CLIC5: variants seen among roughly 807,000 people sequenced by gnomAD.
CLIC5 encodes chloride intracellular channel protein 5.
CLIC5 carries 20 observed loss-of-function variants against 24.7 expected under a neutral mutation model. The ratio of observed to expected loss-of-function variants is 0.81; its 90% CI spans 0.57 to 1.18. The LOEUF is 1.18. Ranked by LOEUF, CLIC5 falls within the 50% of genes most tolerant of loss-of-function variation. CLIC5 has a pLI of 0.00. For missense variants in CLIC5, 341 were observed against 326.1 expected, an observed-to-expected ratio of 1.05 and a Z score of -0.35; for synonymous variants, 159 against 135.6, an observed-to-expected ratio of 1.17 and a Z score of -1.20.
intron 1 of CLIC5, among the ~76,000 whole-genome samples, chr6:46,071,525 A>T (rs989081544): frequency 6.6e-6 from 1 of 152,200 alleles, no homozygotes. Context: ...AATCAAAATC[A>T]TAATGAAATA....
At chr6:46,093,000 T>TC in the CLIC5 span, among the ~76,000 whole-genome samples, 1 of 152,092 alleles carries the variant, frequency 6.6e-6, no homozygotes, top group Non-Finnish European at 1.5e-5. Context: ...CTCTTACCCC[T>TC]CCCCAATCCA....
At chr6:45,979,606 C>A (rs987282437) in intron 1 of CLIC5, among the ~76,000 whole-genome samples, 2 of 152,182 alleles carry the variant, frequency 1.3e-5, no homozygotes, top group South Asian at 4.1e-4. Context: ...AAATCATTCT[C>A]CTTGAATCAC....
the CLIC5 span, among the ~76,000 whole-genome samples, chr6:46,106,147 A>G: frequency 6.6e-6 from 1 of 152,204 alleles, no homozygotes; most frequent in African/African-American, 2.4e-5. Context: ...CTCTGTCACC[A>G]TGCTGGAGTG....
intron 1 of CLIC5, among the ~76,000 whole-genome samples, chr6:46,056,833 T>C (rs1768273870): frequency 6.6e-6 from 1 of 152,176 alleles, no homozygotes; most frequent in South Asian, 2.1e-4. Context: ...CTTTTAAACT[T>C]CATACTCATA....
chr6:46,095,073 C>A, the CLIC5 span, among the ~76,000 whole-genome samples: 25 of 152,302 alleles, frequency 1.6e-4, no homozygotes, highest in East Asian at 4.4e-3. Flanking sequence ...AATACCCAGG[C>A]CCCTTTAAGC....
chr6:45,936,367 G>A (rs1763935874), intron 4 of CLIC5, among the ~76,000 whole-genome samples: 1 of 151,846 alleles, frequency 6.6e-6, no homozygotes, highest in African/African-American at 2.4e-5. Flanking sequence ...ACCATACCCT[G>A]CTAATTTTTG....
At chr6:45,976,010 G>T (rs1288639040) in intron 1 of CLIC5, among the ~76,000 whole-genome samples, 14 of 152,118 alleles carry the variant, frequency 9.2e-5, no homozygotes, top group Non-Finnish European at 1.5e-4. Context: ...TTCCTGTGCT[G>T]ATGCTCCCCT....
At chr6:45,913,936 G>T (rs547236248) in intron 5 of CLIC5, 1 of 596,470 alleles carries the variant, frequency 1.7e-6, no homozygotes, top group Non-Finnish European at 2.5e-6. Flanking sequence ...CGATAATTGC[G>T]ACTATTACAC....
intron 5 of CLIC5, among the ~76,000 whole-genome samples, chr6:45,913,545 C>T (rs538991749): frequency 6.6e-6 from 1 of 152,332 alleles, no homozygotes; most frequent in African/African-American, 2.4e-5. Context: ...CACAGCTTCA[C>T]AGAAGCCTGT....
chr6:45,984,316 G>A (rs994442988), intron 1 of CLIC5, among the ~76,000 whole-genome samples: 2 of 152,146 alleles, frequency 1.3e-5, no homozygotes, highest in Non-Finnish European at 2.9e-5. Context: ...CTGTCTTCAG[G>A]TCCGCAATGC....
rs1581707849 is a variant in CLIC5 at position 45,899,882 on chromosome 6, T to C, written c.*3206A>G. The C allele has an allele frequency of 6.6e-6, 1 of 152,226 alleles. No homozygotes were observed. Among genetic ancestry groups the C allele is most frequent in the East Asian group, 1.9e-4 (1 of 5,200 alleles). 9.4% of individuals were successfully genotyped at this position (152,226 alleles called of 1,614,324 possible). On this transcript the variant is annotated 3_prime_UTR_variant, in exon 6 of 6. Coordinates refer to ENST00000339561, the MANE Select transcript of CLIC5 (RefSeq NM_016929.5). ...TTTGGGATCGTGTGGCCAAATAAGC[T>C]GATGGACTCTGTTTCCGACATTTCA...
At chr6:46,095,236 C>A in the CLIC5 span, among the ~76,000 whole-genome samples, 64 of 152,312 alleles carry the variant, frequency 4.2e-4, no homozygotes, top group African/African-American at 1.4e-3. Flanking sequence ...CTCTGAAATG[C>A]CTTCAAGGCC....
chr6:45,999,530 T>C (rs1253862440), intron 1 of CLIC5, among the ~76,000 whole-genome samples: 1 of 152,088 alleles, frequency 6.6e-6, no homozygotes, highest in Non-Finnish European at 1.5e-5. Flanking sequence ...AAAACACAAG[T>C]TTGAACTGCA....
chr6:46,033,926 A>T (rs2127457167), intron 1 of CLIC5, among the ~76,000 whole-genome samples: 1 of 152,328 alleles, frequency 6.6e-6, no homozygotes, highest in East Asian at 1.9e-4. Flanking sequence ...TGCTATGTTA[A>T]TACAAGAGGT....
In CLIC5 at chr6:45,912,469, G is replaced by A. The variant is rs1392946497; in HGVS notation, c.588+1759C>T. On this transcript the variant is annotated intron_variant, in intron 5 of 5. Transcript: ENST00000339561. ...GCTTTGTTCAACAAATGGTTTTTGA[G>A]TGGTAGTGAATACATGTTTGAGCAA... 11 of 1,260,518 alleles carry A rather than the reference G, an allele frequency of 8.7e-6. No individual in the cohort carries two copies. In the Admixed American group the frequency reaches 3.7e-4, roughly 42 times the overall value. The allele number at this position is 1,260,518 out of a possible 1,614,324, so 78.1% of individuals were successfully genotyped here.
rs1165479272 is a variant in CLIC5 at position 45,931,598 on chromosome 6, GAGGTTAAGTGA to G, written c.406+9938_406+9948del. Reference sequence around the variant, plus strand: ...GCAATGTCTTACAATCAAAATATGAGAGGTTAAGTGAAAACACTTTGTTTAAGTGATAGCAT... The same window carrying G: ...GCAATGTCTTACAATCAAAATATGAGAAACACTTTGTTTAAGTGATAGCAT... On this transcript the variant is annotated intron_variant, in intron 4 of 5. Coordinates refer to ENST00000339561, the MANE Select transcript of CLIC5 (RefSeq NM_016929.5). Among the ~76,000 whole-genome samples, 6 of 152,288 alleles carry G rather than the reference GAGGTTAAGTGA, an allele frequency of 3.9e-5. No homozygotes were observed. In the East Asian group the frequency reaches 1.2e-3, roughly 29 times the overall value.
At chr6:45,897,070 C>A (rs998943140), downstream of CLIC5, among the ~76,000 whole-genome samples, 4 of 152,142 alleles carry the variant, frequency 2.6e-5, no homozygotes, top group Non-Finnish European at 4.4e-5. Flanking sequence ...TTTAGCAACT[C>A]TGTGGTCACA....
the CLIC5 span, among the ~76,000 whole-genome samples, chr6:46,110,310 C>T: frequency 6.6e-6 from 1 of 152,196 alleles, no homozygotes; most frequent in African/African-American, 2.4e-5. Flanking sequence ...TGGTGTCCCA[C>T]CTTTCTCTCT....
rs567096035 is a variant in CLIC5, at chr6:45,943,493, CTCTT to C, written c.300-1844_300-1841del. 1.4e-4 allele frequency among the ~76,000 whole-genome samples: 21 copies of C among 152,358 alleles called. No individual in the cohort carries two copies. In the East Asian group the frequency reaches 2.3e-3, roughly 17 times the overall value. The stretch of plus-strand genomic sequence containing the variant: ...CCAAGACACAGGAATTCAGTGTCAT[CTCTT>C]TCTATTTTGGCCTTCTCACATAGAA... On this transcript the variant is annotated intron_variant, in intron 3 of 5. Coordinates refer to ENST00000339561, the MANE Select transcript of CLIC5 (RefSeq NM_016929.5).
Sources: allele counts gnomAD v4.1 joint callset (sites outside exome capture counted in the v4.1 genomes callset), GRCh38; gene constraint gnomAD v4.1.1; transcripts MANE v1.5; gene names NCBI Gene and HGNC (gene_info 2026-07-23, HGNC 2026-07-21).